The following SPRED1 variants were observed in gnomAD, a reference collection of about 807,000 sequenced individuals.
The protein encoded by SPRED1 is sprouty-related, EVH1 domain-containing protein 1.
Under a neutral mutation model 52.3 loss-of-function variants are expected in SPRED1, and 18 were observed. That is an observed-to-expected ratio of 0.34 (90% CI 0.24 to 0.51). The LOEUF is 0.51. Among genes scored for constraint, SPRED1 ranks in the 20% least tolerant of loss-of-function variants. The pLI, the probability that SPRED1 is intolerant of heterozygous loss-of-function variation, is 0.97. For synonymous variants in SPRED1, 155 were observed against 179.7 expected, an observed-to-expected ratio of 0.86 and a Z score of 1.10; for missense variants, 485 against 551.0, an observed-to-expected ratio of 0.88 and a Z score of 1.20.
chr15:38,256,623 T>C (rs1894101724), intron 1 of SPRED1, among the ~76,000 whole-genome samples: 1 of 152,158 alleles, frequency 6.6e-6, no homozygotes, highest in Non-Finnish European at 1.5e-5. Flanking sequence ...TAACTAGAAT[T>C]AGACCATGTA....
intron 4 of SPRED1, among the ~76,000 whole-genome samples, chr15:38,335,562 CAG>C (rs749937308): frequency 6.6e-6 from 1 of 151,468 alleles, no homozygotes; most frequent in East Asian, 1.9e-4. Context: ...TAGTATGTCT[CAG>C]TTAATTATTT....
chr15:38,255,510 T>C (rs1894076611), intron 1 of SPRED1, among the ~76,000 whole-genome samples: 3 of 152,212 alleles, frequency 2.0e-5, no homozygotes, highest in Non-Finnish European at 4.4e-5. Context: ...TAAAAAACTC[T>C]ATTATATTAG....
chr15:38,332,927 T>C (rs753961825), intron 4 of SPRED1, among the ~76,000 whole-genome samples: 2 of 152,180 alleles, frequency 1.3e-5, no homozygotes, highest in South Asian at 2.1e-4. Context: ...GGTTCATAAG[T>C]GATACTTGGC....
intron 3 of SPRED1, among the ~76,000 whole-genome samples, 158 bp from the exon 4 acceptor site, chr15:38,324,603 CAG>C (rs960932830): frequency 2.0e-5 from 3 of 152,282 alleles, no homozygotes; most frequent in South Asian, 2.1e-4. Flanking sequence ...ATTATTCTAA[CAG>C]GGGCAAATGC....
At chr15:38,312,202 A>G (rs564340891) in intron 2 of SPRED1, among the ~76,000 whole-genome samples, 2 of 152,270 alleles carry the variant, frequency 1.3e-5, no homozygotes, top group East Asian at 3.9e-4. Flanking sequence ...GTATTGCTGT[A>G]TCAATTGGTT....
chr15:38,309,600 AG>A (rs2140985746), intron 2 of SPRED1, among the ~76,000 whole-genome samples: 1 of 152,214 alleles, frequency 6.6e-6, no homozygotes, highest in East Asian at 1.9e-4. Context: ...AATTGTGATA[AG>A]GTCCCATCTA....
At chr15:38,280,926 C>A (rs902972671) in intron 1 of SPRED1, among the ~76,000 whole-genome samples, 4 of 152,206 alleles carry the variant, frequency 2.6e-5, no homozygotes, top group Non-Finnish European at 4.4e-5. Context: ...ATTATTTATT[C>A]TTTTCCAGTA....
At chr15:38,293,099 C>CTTTTTTTTTTT (rs66511254) in intron 1 of SPRED1, among the ~76,000 whole-genome samples, 53,334 of 90,066 alleles carry the variant, frequency 0.59, 19,985 homozygotes, top group South Asian at 0.65. Context: ...AAGATTACAA[C>CTTTTTTTTTTT]TTTTTTTTTT....
rs1259603447 is a variant in SPRED1 at position 38,252,875 on chromosome 15, G to T, written c.-311G>T. 3 of 476,880 alleles carry T rather than the reference G, an allele frequency of 6.3e-6. No homozygotes were observed. The allele number at this position is 476,880 out of a possible 1,614,324, so 29.5% of individuals were successfully genotyped here. A position where few individuals can be genotyped will look rare whatever the true frequency, so the allele number is the denominator to read the frequency against. On this transcript the variant is annotated 5_prime_UTR_variant, in exon 1 of 7. Transcript: ENST00000299084. The stretch of plus-strand genomic sequence containing the variant: ...CAGTGGCTGGAGGAGCAGCTCTCCA[G>T]TCAGCCTTTGCAGCCCCTCTCTTTT...
At chr15:38,288,411 A>G (rs1011169588) in intron 1 of SPRED1, among the ~76,000 whole-genome samples, 2 of 152,184 alleles carry the variant, frequency 1.3e-5, no homozygotes, top group Non-Finnish European at 2.9e-5. Flanking sequence ...TTAATGGAGG[A>G]CAGACAATAA....
At chr15:38,298,755 CAG>C (rs1895091314) in intron 1 of SPRED1, among the ~76,000 whole-genome samples, 1 of 152,140 alleles carries the variant, frequency 6.6e-6, no homozygotes, top group South Asian at 2.1e-4. Flanking sequence ...TAGCTAATAA[CAG>C]AAATTTATTT....
At chr15:38,348,670 G>A (rs914994241) in intron 5 of SPRED1, among the ~76,000 whole-genome samples, 5 of 152,022 alleles carry the variant, frequency 3.3e-5, no homozygotes, top group African/African-American at 1.2e-4. Flanking sequence ...GGAAAAATAA[G>A]AAGTAAACAA....
intron 3 of SPRED1, among the ~76,000 whole-genome samples, chr15:38,323,261 TAA>T (rs1241697784): frequency 2.0e-5 from 3 of 152,162 alleles, no homozygotes; most frequent in Non-Finnish European, 2.9e-5. Flanking sequence ...TGATAGTGCA[TAA>T]AACTGTAGTT....
chr15:38,259,371 T>G (rs1473677857), intron 1 of SPRED1, among the ~76,000 whole-genome samples: 1 of 152,204 alleles, frequency 6.6e-6, no homozygotes, highest in African/African-American at 2.4e-5. Flanking sequence ...ATCTCCCACC[T>G]GTGCCTCTTA....
chr15:38,339,413 T>C (rs1197464957), intron 4 of SPRED1, among the ~76,000 whole-genome samples: 1 of 152,208 alleles, frequency 6.6e-6, no homozygotes, highest in Non-Finnish European at 1.5e-5. Flanking sequence ...ATTTCCTATG[T>C]ACATTTATCA....
intron 2 of SPRED1, among the ~76,000 whole-genome samples, chr15:38,320,551 T>C (rs1895581017): frequency 1.3e-5 from 2 of 152,168 alleles, no homozygotes; most frequent in Admixed American, 6.6e-5. Flanking sequence ...AGTAATTCAC[T>C]ACTACTAGTA....
At chr15:38,314,438 C>T (rs967049738) in intron 2 of SPRED1, among the ~76,000 whole-genome samples, 1 of 151,838 alleles carries the variant, frequency 6.6e-6, no homozygotes, top group Non-Finnish European at 1.5e-5. Flanking sequence ...GCATCCACCA[C>T]CTTTTCCCAA....
intron 1 of SPRED1, among the ~76,000 whole-genome samples, chr15:38,259,972 A>G (rs1282042559): frequency 1.3e-5 from 2 of 152,230 alleles, no homozygotes; most frequent in African/African-American, 2.4e-5. Context: ...CTTAAAATTC[A>G]GAGTGTTTGC....
At chr15:38,349,247 A>G (rs1343810102) in intron 5 of SPRED1, among the ~76,000 whole-genome samples, 175 bp from the exon 6 acceptor site, 1 of 152,136 alleles carries the variant, frequency 6.6e-6, no homozygotes, top group Admixed American at 6.6e-5. Context: ...GTAAGAAAAG[A>G]CCTATGGTTT....
Sources: gnomAD v4.1 joint callset for allele counts (sites outside exome capture counted in the v4.1 genomes callset) on GRCh38, gnomAD v4.1.1 for gene constraint, MANE v1.5 for transcripts, NCBI Gene and HGNC (gene_info 2026-07-23, HGNC 2026-07-21) for gene names.